The following RAI14 variants were observed in gnomAD, a reference collection of about 807,000 sequenced individuals.
The protein encoded by RAI14 is ankycorbin.
In RAI14, 45 loss-of-function variants were observed where a neutral mutation model predicts 115.4. The observed-to-expected ratio is 0.39, with a 90% CI of 0.31 to 0.50. RAI14 has a LOEUF of 0.50. Ranked by LOEUF, RAI14 falls within the 20% of genes least tolerant of loss-of-function variation. RAI14 has a pLI of 0.85. For synonymous variants in RAI14, 371 were observed against 415.4 expected (o/e 0.89, Z 1.30); for missense variants, 939 against 1,131.2 (o/e 0.83, Z 2.44).
intron 2 of RAI14, among the ~76,000 whole-genome samples, chr5:34,746,511 T>C (rs1746246782): frequency 6.6e-6 from 1 of 150,782 alleles, no homozygotes; most frequent in Non-Finnish European, 1.5e-5. Flanking sequence ...TTCAAGCAAT[T>C]CTCCTGCCTC....
At chr5:34,829,983 CCAG>C in intron 17 of RAI14, 186 bp downstream of exon 17, 1 of 539,880 alleles carries the variant, frequency 1.9e-6, no homozygotes, top group South Asian at 2.8e-5. Context: ...GCCCTGTTTA[CCAG>C]GAACAGCCCC....
intron 2 of RAI14, among the ~76,000 whole-genome samples, chr5:34,709,129 CAAA>C (rs35361351): frequency 2.7e-4 from 26 of 96,006 alleles, no homozygotes; most frequent in African/African-American, 6.4e-4. Flanking sequence ...GACCCTATCT[CAAA>C]AAAAAAAAAA....
intron 12 of RAI14, 96 bp from the exon 13 acceptor site, chr5:34,818,701 C>A: frequency 2.1e-6 from 2 of 957,094 alleles, no homozygotes; most frequent in Non-Finnish European, 3.2e-6. Flanking sequence ...CATACCAGAT[C>A]TGCTCTGCGT....
intron 2 of RAI14, among the ~76,000 whole-genome samples, chr5:34,721,299 A>G (rs1223772723): frequency 1.1e-4 from 9 of 84,098 alleles, no homozygotes; most frequent in African/African-American, 3.0e-4. Flanking sequence ...GTGTATATAT[A>G]TATATATATA....
At chr5:34,736,947 G>T (rs1361391287) in intron 2 of RAI14, among the ~76,000 whole-genome samples, 1 of 152,180 alleles carries the variant, frequency 6.6e-6, no homozygotes, top group Non-Finnish European at 1.5e-5. Context: ...GAGGTGAGTG[G>T]TAGGCAAGCA....
chr5:34,733,113 T>A (rs1423547545), intron 2 of RAI14: 1 of 152,190 alleles, frequency 6.6e-6, no homozygotes, highest in African/African-American at 2.4e-5. Context: ...CCATGATTTT[T>A]AGGAATGGAT....
chr5:34,682,881 G>A (rs1358295358), intron 1 of RAI14, among the ~76,000 whole-genome samples: 1 of 152,206 alleles, frequency 6.6e-6, no homozygotes, highest in African/African-American at 2.4e-5. Flanking sequence ...TGATTTAATG[G>A]CTTTTCCAAG....
intron 2 of RAI14, among the ~76,000 whole-genome samples, chr5:34,746,421 C>T (rs1422946229): frequency 1.5e-5 from 2 of 135,668 alleles, no homozygotes; most frequent in East Asian, 2.3e-4. Flanking sequence ...TTTTTTTTAA[C>T]GGAGACAGAC....
At chr5:34,783,299 C>A (rs992870501) in intron 3 of RAI14, among the ~76,000 whole-genome samples, 1 of 152,156 alleles carries the variant, frequency 6.6e-6, no homozygotes, top group African/African-American at 2.4e-5. Context: ...GGGTGTTGCT[C>A]ATGACAGTTG....
chr5:34,768,932 C>T (rs1275518046), intron 3 of RAI14, among the ~76,000 whole-genome samples: 2 of 151,092 alleles, frequency 1.3e-5, no homozygotes, highest in Non-Finnish European at 2.9e-5. Flanking sequence ...GAGGTTGCAG[C>T]GAGCCGAGAT....
intron 2 of RAI14, among the ~76,000 whole-genome samples, chr5:34,740,207 A>C (rs887503393): frequency 5.3e-5 from 8 of 152,238 alleles, no homozygotes; most frequent in African/African-American, 1.9e-4. Context: ...TTTCAAAAGC[A>C]TTCATATTAT....
chr5:34,810,197 C>G (rs1272518249), intron 7 of RAI14, among the ~76,000 whole-genome samples: 1 of 152,062 alleles, frequency 6.6e-6, no homozygotes, highest in Non-Finnish European at 1.5e-5. Flanking sequence ...CTATTGAATG[C>G]TTCTACCTTA....
In RAI14 at chr5:34,760,422, A is replaced by AT. The variant is rs780532218; in HGVS notation, c.167+2830dup. Among the ~76,000 whole-genome samples the AT allele has an allele frequency of 1.8e-3, 267 of 152,182 alleles. 1 individual carries two copies. The highest frequency in any genetic ancestry group is 2.9e-3 in the Non-Finnish European group (200 of 67,992). On this transcript the variant is annotated intron_variant, in intron 3 of 17. Coordinates refer to ENST00000265109, the MANE Select transcript of RAI14 (RefSeq NM_015577.3). Reference sequence around the variant, plus strand: ...TCTGGGGAGAGGCCCAGGAATCTATATTTTTTGTTCTGAGGTGTTTGGTGG... The same window carrying AT: ...TCTGGGGAGAGGCCCAGGAATCTATATTTTTTTGTTCTGAGGTGTTTGGTGG...
At chr5:34,689,621 C>G (rs1738321691) in intron 2 of RAI14, among the ~76,000 whole-genome samples, 1 of 152,122 alleles carries the variant, frequency 6.6e-6, no homozygotes, top group Admixed American at 6.5e-5. Context: ...ACCTGTAATC[C>G]CAGCTACTTG....
intron 4 of RAI14, among the ~76,000 whole-genome samples, chr5:34,802,284 C>T (rs570670538): frequency 3.3e-5 from 5 of 152,240 alleles, no homozygotes; most frequent in South Asian, 2.1e-4. Flanking sequence ...AGTGCATCTA[C>T]GGCCATACCA....
intron 3 of RAI14, among the ~76,000 whole-genome samples, chr5:34,771,347 G>T (rs1324672902): frequency 6.6e-6 from 1 of 152,158 alleles, no homozygotes; most frequent in Admixed American, 6.5e-5. Context: ...CAGAGGCAAT[G>T]GAAGGAACTG....
chr5:34,765,330 G>A (rs377448647), intron 3 of RAI14, among the ~76,000 whole-genome samples: 43 of 152,190 alleles, frequency 2.8e-4, no homozygotes, highest in African/African-American at 9.9e-4. Context: ...GGAAAATGTG[G>A]GAAGGTTTGG....
At chr5:34,753,972 C>G (rs1039271671) in intron 2 of RAI14, among the ~76,000 whole-genome samples, 5 of 151,092 alleles carry the variant, frequency 3.3e-5, no homozygotes, top group African/African-American at 9.7e-5. Flanking sequence ...TCCCAGCTAC[C>G]CAGGAGGCTG....
chr5:34,721,846 G>A (rs1188338993), intron 2 of RAI14, among the ~76,000 whole-genome samples: 4 of 152,108 alleles, frequency 2.6e-5, no homozygotes, highest in Non-Finnish European at 5.9e-5. Flanking sequence ...AAGTAGCTGG[G>A]CTTACAGGTG....
Sources: gnomAD v4.1 joint callset for allele counts (sites outside exome capture counted in the v4.1 genomes callset) on GRCh38, gnomAD v4.1.1 for gene constraint, MANE v1.5 for transcripts, NCBI Gene and HGNC (gene_info 2026-07-23, HGNC 2026-07-21) for gene names.